The following NMNAT2 variants were observed in gnomAD, a reference collection of about 807,000 sequenced individuals.
NMNAT2 encodes the protein nicotinamide/nicotinic acid mononucleotide adenylyltransferase 2.
Under a neutral mutation model 41.6 loss-of-function variants are expected in NMNAT2, and 11 were observed. That is an observed-to-expected ratio of 0.26 (90% CI 0.17 to 0.44). The LOEUF is 0.44. Ranked by LOEUF, NMNAT2 falls within the 20% of genes least tolerant of loss-of-function variation. The pLI, the probability that NMNAT2 is intolerant of heterozygous loss-of-function variation, is 1.00. For synonymous variants in NMNAT2, 148 were observed against 151.2 expected, an observed-to-expected ratio of 0.98 and a Z score of 0.16; for missense variants, 288 against 407.7, an observed-to-expected ratio of 0.71 and a Z score of 2.53.
intron 4 of NMNAT2, among the ~76,000 whole-genome samples, chr1:183,288,433 G>A (rs897069954): frequency 5.3e-5 from 8 of 152,212 alleles, no homozygotes; most frequent in African/African-American, 1.4e-4. Flanking sequence ...CAGGGGGGCC[G>A]GCAGTGACCT....
chr1:183,390,589 T>A (rs1007908717), intron 1 of NMNAT2, among the ~76,000 whole-genome samples: 1 of 152,212 alleles, frequency 6.6e-6, no homozygotes, highest in Admixed American at 6.5e-5. Flanking sequence ...AAGGTAGTGA[T>A]TTAAGAGAGC....
chr1:183,401,345 C>T (rs1365275431), intron 1 of NMNAT2, among the ~76,000 whole-genome samples: 3 of 152,124 alleles, frequency 2.0e-5, no homozygotes, highest in Non-Finnish European at 4.4e-5. Context: ...CAGAGAAATG[C>T]AAATCAAAAC....
rs1571548653 is a variant in NMNAT2, at chr1:183,249,693, G to A, written c.*2948C>T. 1 of 129,760 alleles carries A rather than the reference G, an allele frequency of 7.7e-6. No homozygotes were observed. The highest frequency in any genetic ancestry group is 2.6e-4 in the East Asian group (1 of 3,782). 8.0% of individuals were successfully genotyped at this position (129,760 alleles called of 1,614,324 possible). ...AATGAAGAGTAGGGCGTGTGTGTGTGTGTGTGTGTGTGTGTGTGTGTGTGT... is the reference window on the plus strand; with the variant it reads ...AATGAAGAGTAGGGCGTGTGTGTGTATGTGTGTGTGTGTGTGTGTGTGTGT... On this transcript the variant is annotated 3_prime_UTR_variant, in exon 11 of 11. Coordinates refer to ENST00000287713, the MANE Select transcript of NMNAT2 (RefSeq NM_015039.4).
At chr1:183,405,528 T>C (rs2101928963) in intron 1 of NMNAT2, among the ~76,000 whole-genome samples, 1 of 152,328 alleles carries the variant, frequency 6.6e-6, no homozygotes, top group East Asian at 1.9e-4. Flanking sequence ...AAAGTCATCA[T>C]TGCAGGGAAC....
chr1:183,324,170 CAGA>C (rs1482973488), intron 1 of NMNAT2, among the ~76,000 whole-genome samples: 1 of 152,122 alleles, frequency 6.6e-6, no homozygotes, highest in Non-Finnish European at 1.5e-5. Context: ...ATGAATGCAG[CAGA>C]AGATCAACAT....
intron 1 of NMNAT2, among the ~76,000 whole-genome samples, chr1:183,384,191 G>T (rs1025576725): frequency 3.4e-5 from 5 of 148,930 alleles, no homozygotes; most frequent in African/African-American, 1.3e-4. Flanking sequence ...ACAAGGAGGC[G>T]CTACACACTT....
At chr1:183,264,937 C>T (rs1026802159) in intron 8 of NMNAT2, among the ~76,000 whole-genome samples, 2 of 152,272 alleles carry the variant, frequency 1.3e-5, no homozygotes, top group African/African-American at 4.8e-5. Flanking sequence ...CCACTGGATT[C>T]CCCCAAGCCT....
chr1:183,293,273 G>C (rs368391915), intron 2 of NMNAT2, among the ~76,000 whole-genome samples: 1 of 152,212 alleles, frequency 6.6e-6, no homozygotes, highest in South Asian at 2.1e-4. Flanking sequence ...GCCGGGACAC[G>C]TGGCAGGGAG....
intron 1 of NMNAT2, among the ~76,000 whole-genome samples, chr1:183,313,117 C>G (rs1028920164): frequency 6.6e-6 from 1 of 151,348 alleles, no homozygotes; most frequent in African/African-American, 2.4e-5. Flanking sequence ...TCCCCCAACA[C>G]GCACGCATCT....
chr1:183,274,290 C>T (rs1661068139), intron 8 of NMNAT2, among the ~76,000 whole-genome samples: 1 of 151,870 alleles, frequency 6.6e-6, no homozygotes, highest in Non-Finnish European at 1.5e-5. Context: ...GCTCTGAAGT[C>T]AATAACTTTA....
At chr1:183,407,503 C>T (rs1038358792) in intron 1 of NMNAT2, among the ~76,000 whole-genome samples, 1 of 152,052 alleles carries the variant, frequency 6.6e-6, no homozygotes, top group African/African-American at 2.4e-5. Flanking sequence ...ATATTCCTAA[C>T]AGTTTAATCA....
chr1:183,269,735 A>G (rs1430309294), intron 8 of NMNAT2, among the ~76,000 whole-genome samples: 1 of 152,258 alleles, frequency 6.6e-6, no homozygotes, highest in Non-Finnish European at 1.5e-5. Context: ...TGGGGAAACC[A>G]AGACTCAGTG....
chr1:183,402,155 G>C (rs1648829805), intron 1 of NMNAT2, among the ~76,000 whole-genome samples: 1 of 151,964 alleles, frequency 6.6e-6, no homozygotes, highest in African/African-American at 2.4e-5. Flanking sequence ...TAGATTATAG[G>C]CTGACTCTCT....
chr1:183,405,272 T>G (rs1050459080), intron 1 of NMNAT2, among the ~76,000 whole-genome samples: 1 of 152,084 alleles, frequency 6.6e-6, no homozygotes, highest in African/African-American at 2.4e-5. Context: ...ATTCTAGGAT[T>G]TGCTTCAAAA....
chr1:183,283,703 T>G (rs1661325916), intron 7 of NMNAT2: 1 of 439,954 alleles, frequency 2.3e-6, no homozygotes, highest in Non-Finnish European at 4.2e-6. Flanking sequence ...TTCCAGCTGG[T>G]GCCAAAGCTC....
intron 8 of NMNAT2, among the ~76,000 whole-genome samples, chr1:183,278,155 T>C (rs915996047): frequency 6.6e-6 from 1 of 152,188 alleles, no homozygotes; most frequent in African/African-American, 2.4e-5. Flanking sequence ...TTTTCTCTTT[T>C]TGAGGGGATT....
intron 8 of NMNAT2, among the ~76,000 whole-genome samples, chr1:183,265,673 A>G (rs902390998): frequency 3.3e-5 from 5 of 152,152 alleles, no homozygotes; most frequent in African/African-American, 1.2e-4. Context: ...AATGGACTCT[A>G]CCATCAAAAC....
chr1:183,282,829 G>A (rs1343027552), intron 7 of NMNAT2: 1 of 152,160 alleles, frequency 6.6e-6, no homozygotes, highest in Non-Finnish European at 1.5e-5. Flanking sequence ...GTCAATAAAG[G>A]ATATTAAAAT....
At chr1:183,349,001 G>C (rs1662990392) in intron 1 of NMNAT2, among the ~76,000 whole-genome samples, 1 of 152,214 alleles carries the variant, frequency 6.6e-6, no homozygotes, top group African/African-American at 2.4e-5. Flanking sequence ...CGGTGCACCA[G>C]GTTGACCCAG....
Sources: allele counts gnomAD v4.1 joint callset (sites outside exome capture counted in the v4.1 genomes callset), GRCh38; gene constraint gnomAD v4.1.1; transcripts MANE v1.5; gene names NCBI Gene and HGNC (gene_info 2026-07-23, HGNC 2026-07-21).